Variants in PDCD2 observed in about 807,000 individuals in gnomAD.
The protein encoded by PDCD2 is uS5 assembly chaperone PDCD2.
PDCD2 carries 38 observed loss-of-function variants against 38.1 expected under a neutral mutation model. That is an observed-to-expected ratio of 1.00 (90% confidence interval 0.77 to 1.31). The LOEUF (loss-of-function observed/expected upper bound fraction) is 1.31, where lower values mean the gene tolerates loss of function less well. PDCD2 is among the 50% of genes most tolerant of loss of function. The probability of loss-of-function intolerance (pLI) is 0.00; values close to 1 mark genes in which losing one functional copy is unlikely to be tolerated. For synonymous variants in PDCD2, 205 were observed against 168.9 expected, an observed-to-expected ratio of 1.21 and a Z score of -1.66; for missense variants, 473 against 435.7, an observed-to-expected ratio of 1.09 and a Z score of -0.76.
chr6:170,577,807 C>CT, intron 5 of PDCD2, 90 bp from the exon 6 acceptor site: 1 of 1,171,454 alleles, frequency 8.5e-7, no homozygotes, highest in African/African-American at 1.5e-5. Context: ...GGATCTTGGT[C>CT]TTTCAATCCT....
intron 3 of PDCD2, chr6:170,582,438 T>C (rs1370070908): frequency 1.4e-6 from 2 of 1,437,724 alleles, no homozygotes; most frequent in Non-Finnish European, 1.8e-6. Flanking sequence ...TTTAATATTA[T>C]GTGACCAAAG....
intron 3 of PDCD2, chr6:170,582,619 C>T: frequency 2.2e-5 from 28 of 1,262,772 alleles, no homozygotes; most frequent in Non-Finnish European, 2.7e-5. Context: ...GATACTTGGT[C>T]AGCACAAGTA....
rs1779430601 is a variant in PDCD2 at position 170,575,478 on chromosome 6, G to A, written c.*2081C>T. The A allele has an allele frequency of 6.6e-6, 1 of 152,156 alleles. No individual in the cohort carries two copies. Among genetic ancestry groups the A allele is most frequent in the Non-Finnish European group, 1.5e-5 (1 of 68,038 alleles). The allele number at this position is 152,156 out of a possible 1,614,324, so 9.4% of individuals were successfully genotyped here. ...AAAACTTTGTAGGTGTTGAGAAATG[G>A]TGGATGCATGGACTGGCACCGTCTG... On this transcript the variant is annotated 3_prime_UTR_variant, in exon 6 of 6. Coordinates refer to ENST00000541970, the MANE Select transcript of PDCD2 (RefSeq NM_002598.4).
rs1210449702 is a variant in PDCD2, at chr6:170,583,037, G to A, written c.658+20C>T. 2 of 1,603,712 alleles carry A rather than the reference G, an allele frequency of 1.2e-6. No homozygotes were observed. Among genetic ancestry groups the A allele is most frequent in the Non-Finnish European group, 1.7e-6 (2 of 1,176,992 alleles). The stretch of plus-strand genomic sequence containing the variant: ...TATTATGTTTAACCACTTAATGAAT[G>A]AAGTCCTGAAACTGCTTACCCATGC... On this transcript the variant is annotated intron_variant, in intron 3 of 5. Transcript: ENST00000541970.
At chr6:170,583,457 G>GACAAAGGCGATGAAACTGAACTGAGACTT in intron 2 of PDCD2, 48 bp downstream of exon 2, 3 of 1,563,940 alleles carry the variant, frequency 1.9e-6, no homozygotes, top group Non-Finnish European at 2.6e-6. Flanking sequence ...TATCTGGGTT[G>GACAAAGGCGATGAAACTGAACTGAGACTT]ACAAAGGCGA....
chr6:170,582,721 G>A (rs1208420591), intron 3 of PDCD2: 23 of 1,232,756 alleles, frequency 1.9e-5, no homozygotes, highest in South Asian at 1.7e-4. Flanking sequence ...GCCCTTCTGC[G>A]TGCCCGACAC....
chr6:170,580,760 T>A (rs1422999683), intron 3 of PDCD2, among the ~76,000 whole-genome samples: 1 of 152,162 alleles, frequency 6.6e-6, no homozygotes, highest in Non-Finnish European at 1.5e-5. Context: ...TTCCTGGGAT[T>A]ACAGCCACCC....
rs1190414515 is a variant in PDCD2, at chr6:170,577,535, AT to A, written c.*23del. 1.9e-6 allele frequency: 3 copies of A among 1,599,720 alleles called. No individual in the cohort carries two copies. Among genetic ancestry groups the A allele is most frequent in the Non-Finnish European group, 2.6e-6 (3 of 1,168,666 alleles). ...TTGCAAGGTATAAAAGATTATTAAC[AT>A]TTTTCAAGGCTTTAAGATGCCTTTA... On this transcript the variant is annotated 3_prime_UTR_variant, in exon 6 of 6. Coordinates refer to ENST00000541970, the MANE Select transcript of PDCD2 (RefSeq NM_002598.4).
At position 170,576,936 on chromosome 6, in the gene PDCD2, AC is replaced by A. The variant is rs1220156924; in HGVS notation, c.*622del. The A allele has an allele frequency of 6.6e-6, 1 of 152,276 alleles. No homozygotes were observed. Among genetic ancestry groups the A allele is most frequent in the Non-Finnish European group, 1.5e-5 (1 of 68,096 alleles). The allele number at this position is 152,276 out of a possible 1,614,324, so 9.4% of individuals were successfully genotyped here. On this transcript the variant is annotated 3_prime_UTR_variant, in exon 6 of 6. Coordinates refer to ENST00000541970, the MANE Select transcript of PDCD2 (RefSeq NM_002598.4). ...ACTGTGATACTGCTGCTTCAGAATT[AC>A]TGGGTTTCCTGTTCATCATACTCAC...
intron 3 of PDCD2, chr6:170,582,546 C>T (rs1779642979): frequency 7.4e-7 from 1 of 1,343,790 alleles, no homozygotes; most frequent in Non-Finnish European, 9.6e-7. Flanking sequence ...CATGCACAAA[C>T]AGCCCTTTAT....
intron 3 of PDCD2, chr6:170,582,101 C>T (rs771234300): frequency 1.1e-5 from 17 of 1,528,726 alleles, no homozygotes; most frequent in Admixed American, 7.9e-5. Context: ...TGAACACACG[C>T]GCGGCCCCTT....
intron 3 of PDCD2, chr6:170,582,116 G>A: frequency 6.5e-7 from 1 of 1,531,664 alleles, no homozygotes; most frequent in Non-Finnish European, 8.7e-7. Flanking sequence ...CCCCTTCCAG[G>A]CAGTCTTCAG....
In PDCD2 at chr6:170,583,159, T is replaced by C. The variant is rs776651392; in HGVS notation, c.556A>G (p.Asn186Asp). Residue 186 changes from asparagine to aspartate, a missense_variant, in exon 3 of 6, where the codon AAC (asparagine) becomes GAC (aspartate). Physicochemically the swap from Asn to Asp is conservative, Grantham distance 23. Transcript: ENST00000541970. ...ATTTCAAATTCTGGAAAAAGGAAGT[T>C]GTGGTCTGGAATTATATGGTCCAGA... Reference protein sequence around the residue: ...DHLDHIIPDHNFLFPEFEIVI... With the variant: ...DHLDHIIPDHDFLFPEFEIVI... 4 of 1,612,264 alleles carry C rather than the reference T, an allele frequency of 2.5e-6. No homozygotes were observed. In the South Asian group the frequency reaches 3.3e-5, roughly 13 times the overall value.
rs3734763 is a variant in PDCD2, at chr6:170,576,824, T to C, written c.*735A>G. On this transcript the variant is annotated 3_prime_UTR_variant, in exon 6 of 6. Transcript: ENST00000541970. Reference sequence around the variant, plus strand: ...GTGTCTCATCTGTAAGCAGGGCCGCTGGCTGACCAAGATCAGTTCTGAAGG... The same window carrying C: ...GTGTCTCATCTGTAAGCAGGGCCGCCGGCTGACCAAGATCAGTTCTGAAGG... 59,873 of 152,110 alleles carry C rather than the reference T, an allele frequency of 0.39. 12,361 individuals carry two copies. The highest frequency in any genetic ancestry group is 0.78 in the East Asian group (4,045 of 5,160). 9.4% of individuals were successfully genotyped at this position (152,110 alleles called of 1,614,324 possible).
chr6:170,583,767 A>T lies in PDCD2; in HGVS notation c.284-20T>A. 1 of 1,575,552 alleles carries T rather than the reference A, an allele frequency of 6.3e-7. No individual in the cohort carries two copies. The highest frequency in any genetic ancestry group is 8.7e-7 in the Non-Finnish European group (1 of 1,151,392). Reference sequence around the variant, plus strand: ...TAAAAACTAAAAAAGAATACAGAGAAAAGTTTTATCTTCAAACAAAACAGC... The same window carrying T: ...TAAAAACTAAAAAAGAATACAGAGATAAGTTTTATCTTCAAACAAAACAGC... On this transcript the variant is annotated intron_variant, in intron 1 of 5. Transcript: ENST00000541970.
rs534289056 is a variant in PDCD2, at chr6:170,584,629, G to A, written c.-48C>T. On this transcript the variant is annotated 5_prime_UTR_variant, in exon 1 of 6. Transcript: ENST00000541970. ...GCGCAGCCCACAGCTGGGTCGGAAGGCGGAAATCGGGCGCCGGGCCGGAAG... is the reference window on the plus strand; with the variant it reads ...GCGCAGCCCACAGCTGGGTCGGAAGACGGAAATCGGGCGCCGGGCCGGAAG... 668 of 1,124,618 alleles carry A rather than the reference G, an allele frequency of 5.9e-4. 5 individuals carry two copies. The Middle Eastern group carries it at 8.8e-3, about 15-fold the overall frequency. The allele number at this position is 1,124,618 out of a possible 1,614,324, so 69.7% of individuals were successfully genotyped here.
chr6:170,578,677 A>C, intron 5 of PDCD2, 180 bp downstream of exon 5: 1 of 705,074 alleles, frequency 1.4e-6, no homozygotes, highest in Non-Finnish European at 2.6e-6. Context: ...GAAAAAAACA[A>C]GACAGTTCCT....
At chr6:170,580,779 T>C (rs1779573001) in intron 3 of PDCD2, among the ~76,000 whole-genome samples, 2 of 152,190 alleles carry the variant, frequency 1.3e-5, no homozygotes, top group Admixed American at 6.5e-5. Flanking sequence ...CCTAAGCCAC[T>C]GCTGTCCCCA....
chr6:170,580,696 C>CA (rs1335447532), intron 3 of PDCD2, among the ~76,000 whole-genome samples: 7 of 151,866 alleles, frequency 4.6e-5, no homozygotes, highest in African/African-American at 1.7e-4. Context: ...GCCTGGGCGA[C>CA]AGAGTGAGAC....
Sources: allele counts gnomAD v4.1 joint callset (sites outside exome capture counted in the v4.1 genomes callset), GRCh38; gene constraint gnomAD v4.1.1; transcripts MANE v1.5; gene names NCBI Gene and HGNC (gene_info 2026-07-23, HGNC 2026-07-21).